Variants in KPNA5 observed in about 807,000 individuals in gnomAD.
KPNA5 encodes the protein importin subunit alpha-6.
A neutral mutation model predicts 71.3 loss-of-function variants in KPNA5; 46 were observed. That is an observed-to-expected ratio of 0.65 (90% CI 0.51 to 0.83). The LOEUF (loss-of-function observed/expected upper bound fraction) is 0.83. KPNA5 is among the 40% of genes least tolerant of loss of function. The probability of loss-of-function intolerance (pLI) is 0.00; values close to 1 mark genes in which losing one functional copy is unlikely to be tolerated. For synonymous variants in KPNA5, 207 were observed against 201.4 expected (o/e 1.03, Z -0.24); for missense variants, 547 against 628.3 (o/e 0.87, Z 1.38).
rs141758136 is a variant in KPNA5, at chr6:116,704,670, G to C, written c.568-402G>C. On this transcript the variant is annotated intron_variant, in intron 6 of 13. Transcript: ENST00000368564. ...GCTCCTTGCAACCTCTGCCTCCTGG[G>C]CTCAAGTGATCCTGCCACCTTAGCC... Among the ~76,000 whole-genome samples the C allele has an allele frequency of 7.3e-3, 1,109 of 152,076 alleles. 17 individuals carry two copies. The highest frequency in any genetic ancestry group is 0.024 in the African/African-American group (981 of 41,468).
chr6:116,696,351 A>C (rs1562433598), intron 4 of KPNA5, among the ~76,000 whole-genome samples: 2 of 152,174 alleles, frequency 1.3e-5, no homozygotes, highest in African/African-American at 2.4e-5. Context: ...CAAAGTAGGA[A>C]ATATGGGAAA....
At chr6:116,687,482 T>C (rs1777635015) in intron 1 of KPNA5, among the ~76,000 whole-genome samples, 4 of 152,308 alleles carry the variant, frequency 2.6e-5, no homozygotes, top group Middle Eastern at 3.4e-3. Context: ...TACATGCATG[T>C]ATATTTGTTA....
Position 116,741,192 on chromosome 6 carries a change from G to C in KPNA5, c.*8869G>C, listed in dbSNP as rs908107804. 6.6e-6 allele frequency: 1 copy of C among 152,078 alleles called. No homozygotes were observed. Among genetic ancestry groups the C allele is most frequent in the Admixed American group, 6.6e-5 (1 of 15,228 alleles). The allele number at this position is 152,078 out of a possible 1,614,324, so 9.4% of individuals were successfully genotyped here. A position where few individuals can be genotyped will look rare whatever the true frequency, so the allele number is the denominator to read the frequency against. ...ATTGATTCATGTCTTTTACATACTA[G>C]TCTGCTTAATTCATCAGTTTCTAAC... On this transcript the variant is annotated 3_prime_UTR_variant, in exon 14 of 14. Coordinates refer to ENST00000368564, the MANE Select transcript of KPNA5 (RefSeq NM_001366306.2).
At chr6:116,689,924 A>T (rs1777727112) in intron 2 of KPNA5, among the ~76,000 whole-genome samples, 1 of 152,238 alleles carries the variant, frequency 6.6e-6, no homozygotes, top group Non-Finnish European at 1.5e-5. Flanking sequence ...AGAATATAAA[A>T]TTGTTTAAGA....
chr6:116,738,652 A>G lies in KPNA5; in HGVS notation c.*6329A>G, dbSNP rs1029613567. On this transcript the variant is annotated 3_prime_UTR_variant, in exon 14 of 14. Transcript: ENST00000368564. ...CAGCACATCAAAAAGCTTATCCACC[A>G]TGATCAAGTGGGCTTCATCCCTGGG... 3 of 151,708 alleles carry G rather than the reference A, an allele frequency of 2.0e-5. No homozygotes were observed. The highest frequency in any genetic ancestry group is 1.3e-4 in the Admixed American group (2 of 15,222). The allele number at this position is 151,708 out of a possible 1,614,324, so 9.4% of individuals were successfully genotyped here. A position where few individuals can be genotyped will look rare whatever the true frequency, so the allele number is the denominator to read the frequency against.
At chr6:116,721,656 T>C (rs1484440988) in intron 8 of KPNA5, among the ~76,000 whole-genome samples, 1 of 152,224 alleles carries the variant, frequency 6.6e-6, no homozygotes, top group East Asian at 1.9e-4. Context: ...TGACTTCCAC[T>C]TGAGTACCCT....
chr6:116,716,641 T>C lies in KPNA5; in HGVS notation c.756+323T>C, dbSNP rs368157172. On this transcript the variant is annotated intron_variant, in intron 8 of 13. Transcript: ENST00000368564. ...CCCAAAAGATTAAATAATTCCTTTA[T>C]GTTCACCATTTGTACTTTTTCATTG... Among the ~76,000 whole-genome samples the C allele has an allele frequency of 1.4e-4, 22 of 152,380 alleles. No homozygotes were observed. The East Asian group carries it at 2.9e-3, about 20-fold the overall frequency.
At chr6:116,726,645 G>T in intron 12 of KPNA5, 23 bp downstream of exon 12, 1 of 1,510,732 alleles carries the variant, frequency 6.6e-7, no homozygotes, top group Non-Finnish European at 8.8e-7. Flanking sequence ...CTTCTTAATT[G>T]TTTTTTACAT....
intron 7 of KPNA5, among the ~76,000 whole-genome samples, chr6:116,706,647 C>T (rs1329591583): frequency 2.6e-5 from 4 of 151,974 alleles, no homozygotes; most frequent in Non-Finnish European, 5.9e-5. Context: ...TGAGATCATG[C>T]CATTGCACTC....
At chr6:116,704,825 C>T (rs1365769014) in intron 6 of KPNA5, among the ~76,000 whole-genome samples, 2 of 152,152 alleles carry the variant, frequency 1.3e-5, no homozygotes, top group East Asian at 3.9e-4. Flanking sequence ...GATCTGTCCA[C>T]CTCAGCTTGC....
intron 2 of KPNA5, among the ~76,000 whole-genome samples, 181 bp from the exon 3 acceptor site, chr6:116,691,874 A>G (rs958222447): frequency 2.0e-5 from 3 of 152,220 alleles, no homozygotes; most frequent in African/African-American, 7.2e-5. Flanking sequence ...CAGAAATTTG[A>G]CTTCTCATAA....
In KPNA5 at chr6:116,735,162, CAAA is replaced by C. The variant is rs956771295; in HGVS notation, c.*2843_*2845del. The C allele has an allele frequency of 2.0e-5, 3 of 151,502 alleles. No individual in the cohort carries two copies. The highest frequency in any genetic ancestry group is 7.3e-5 in the African/African-American group (3 of 41,354). 9.4% of individuals were successfully genotyped at this position (151,502 alleles called of 1,614,324 possible). ...TACTGGTAACACCAGAACAAGAAAG[CAAA>C]AAAGTAATAAATTCTGCTGGCACAG... On this transcript the variant is annotated 3_prime_UTR_variant, in exon 14 of 14. Coordinates refer to ENST00000368564, the MANE Select transcript of KPNA5 (RefSeq NM_001366306.2).
intron 7 of KPNA5, among the ~76,000 whole-genome samples, chr6:116,714,200 A>G (rs1778806037): frequency 6.6e-6 from 1 of 152,144 alleles, no homozygotes; most frequent in Non-Finnish European, 1.5e-5. Flanking sequence ...CCAGGTTTTC[A>G]TGTTGCTGCT....
intron 7 of KPNA5, among the ~76,000 whole-genome samples, chr6:116,710,873 T>TATATATATATATA (rs1554256692): frequency 3.5e-5 from 3 of 84,882 alleles, no homozygotes; most frequent in South Asian, 4.1e-4. Flanking sequence ...TAATATTATT[T>TATATATATATATA]TATATATATA....
At chr6:116,689,575 C>T in intron 2 of KPNA5, 122 bp downstream of exon 2, 1 of 813,688 alleles carries the variant, frequency 1.2e-6, no homozygotes, top group Non-Finnish European at 1.8e-6. Context: ...ATTTATTAGA[C>T]TCCAGGCATC....
chr6:116,712,288 G>A (rs961098512), intron 7 of KPNA5, among the ~76,000 whole-genome samples: 5 of 152,156 alleles, frequency 3.3e-5, no homozygotes, highest in African/African-American at 7.2e-5. Flanking sequence ...AATATATGAT[G>A]TTCTTCTTTG....
chr6:116,705,356 G>A (rs577281614), intron 7 of KPNA5, among the ~76,000 whole-genome samples, 196 bp downstream of exon 7: 98 of 152,216 alleles, frequency 6.4e-4, no homozygotes, highest in African/African-American at 2.2e-3. Context: ...TAAACCACAC[G>A]TAACAGTGGT....
In KPNA5 at chr6:116,726,557, T is replaced by A; in HGVS notation, c.1188T>A (p.Arg396=). 1.2e-6 allele frequency: 2 copies of A among 1,612,560 alleles called. No homozygotes were observed. Among genetic ancestry groups the A allele is most frequent in the Non-Finnish European group, 1.7e-6 (2 of 1,179,060 alleles). The change falls in exon 12 of 14, where the codon CGT becomes CGA. Residue 396 remains arginine, a synonymous_variant. Transcript: ENST00000368564. ...AGATTCTTCAGAAAGCAGAGTTTCG[T>A]ACCAGAAAAGAAGCAGCTTGGGCTA... is the stretch of plus-strand genomic sequence containing the variant. ...LIEILQKAEF[R]TRKEAAWAIT...
chr6:116,693,650 G>T (rs1361901479), intron 4 of KPNA5, among the ~76,000 whole-genome samples: 2 of 152,194 alleles, frequency 1.3e-5, no homozygotes, highest in Non-Finnish European at 2.9e-5. Flanking sequence ...TTTGTCAGAT[G>T]AGTAGATTGC....
Sources: gnomAD v4.1 joint callset for allele counts (sites outside exome capture counted in the v4.1 genomes callset) on GRCh38, gnomAD v4.1.1 for gene constraint, MANE v1.5 for transcripts, NCBI Gene and HGNC (gene_info 2026-07-23, HGNC 2026-07-21) for gene names.